The following KCTD8 variants were observed in gnomAD, a reference collection of about 807,000 sequenced individuals.
KCTD8 encodes the protein BTB/POZ domain-containing protein KCTD8.
Under a neutral mutation model 31.5 loss-of-function variants are expected in KCTD8, and 27 were observed. The ratio of observed to expected loss-of-function variants is 0.86; its 90% CI spans 0.63 to 1.18. KCTD8 has a LOEUF of 1.18. KCTD8 is among the 50% of genes most tolerant of loss of function. The pLI is 0.00. For synonymous variants in KCTD8, 290 were observed against 280.0 expected (o/e 1.04, Z -0.36); for missense variants, 658 against 647.7 (o/e 1.02, Z -0.17).
intron 1 of KCTD8, among the ~76,000 whole-genome samples, chr4:44,272,686 T>G (rs1368368185): frequency 6.6e-6 from 1 of 152,060 alleles, no homozygotes; most frequent in Non-Finnish European, 1.5e-5. Context: ...ATTAAAAGAT[T>G]GATTCAACAG....
intron 1 of KCTD8, among the ~76,000 whole-genome samples, chr4:44,186,561 C>T (rs1004446833): frequency 2.6e-5 from 4 of 152,222 alleles, no homozygotes; most frequent in African/African-American, 9.7e-5. Flanking sequence ...GTAACGTGCC[C>T]TCTGGGGCCT....
chr4:44,206,621 G>A (rs1372174882), intron 1 of KCTD8, among the ~76,000 whole-genome samples: 3 of 152,148 alleles, frequency 2.0e-5, no homozygotes, highest in Admixed American at 6.6e-5. Context: ...GGGAGCCAGA[G>A]GCCTCTTCCA....
intron 1 of KCTD8, among the ~76,000 whole-genome samples, chr4:44,289,003 T>C (rs1717188079): frequency 6.6e-6 from 1 of 151,446 alleles, no homozygotes; most frequent in Non-Finnish European, 1.5e-5. Context: ...TATATAAAAA[T>C]TTAGTCTTAT....
chr4:44,231,994 T>C (rs888771731), intron 1 of KCTD8, among the ~76,000 whole-genome samples: 1 of 152,154 alleles, frequency 6.6e-6, no homozygotes, highest in African/African-American at 2.4e-5. Context: ...TTAGATACTA[T>C]TGTCACTATC....
At chr4:44,186,682 G>T (rs1713599703) in intron 1 of KCTD8, among the ~76,000 whole-genome samples, 1 of 152,200 alleles carries the variant, frequency 6.6e-6, no homozygotes, top group Admixed American at 6.5e-5. Flanking sequence ...GTGGGGCACC[G>T]AAGAAGTGAG....
chr4:44,363,532 G>A (rs59257168), intron 1 of KCTD8, among the ~76,000 whole-genome samples: 2 of 152,176 alleles, frequency 1.3e-5, no homozygotes, highest in East Asian at 1.9e-4. Context: ...GAAAGAGAGG[G>A]GAGATGTTAG....
At chr4:44,244,460 T>G (rs1183092762) in intron 1 of KCTD8, among the ~76,000 whole-genome samples, 1 of 152,158 alleles carries the variant, frequency 6.6e-6, no homozygotes, top group Non-Finnish European at 1.5e-5. Flanking sequence ...AACATTCTCC[T>G]GCCCTCCTGC....
chr4:44,314,646 A>T (rs1718055665), intron 1 of KCTD8, among the ~76,000 whole-genome samples: 1 of 152,102 alleles, frequency 6.6e-6, no homozygotes, highest in African/African-American at 2.4e-5. Flanking sequence ...ATATATAAAT[A>T]TACACATCTA....
At chr4:44,418,119 C>T (rs1401058776) in intron 1 of KCTD8, among the ~76,000 whole-genome samples, 1 of 152,044 alleles carries the variant, frequency 6.6e-6, no homozygotes, top group African/African-American at 2.4e-5. Flanking sequence ...TAAGGAGCCA[C>T]GAATTATGCC....
Position 44,448,550 on chromosome 4 carries a change from C to A in KCTD8, c.-27G>T, listed in dbSNP as rs1722020686. The A allele has an allele frequency of 6.9e-7, 1 of 1,443,506 alleles. No homozygotes were observed. Among genetic ancestry groups the A allele is most frequent in the African/African-American group, 1.5e-5 (1 of 68,286 alleles). 89.4% of individuals were successfully genotyped at this position (1,443,506 alleles called of 1,614,324 possible). The stretch of plus-strand genomic sequence containing the variant: ...GTCCCCCCGCCGCCGGCCCAGTGAC[C>A]CGAGAGAGCTGCACTTTCTCGTTCC... On this transcript the variant is annotated 5_prime_UTR_variant, in exon 1 of 2. Transcript: ENST00000360029. This position sits in a 1 kb window ranked among gnomAD's most constrained non-coding sequence, Gnocchi z 4.1.
At chr4:44,444,513 G>A (rs1721891666) in intron 1 of KCTD8, among the ~76,000 whole-genome samples, 1 of 151,958 alleles carries the variant, frequency 6.6e-6, no homozygotes, top group African/African-American at 2.4e-5. Flanking sequence ...ATGTTGACGA[G>A]AACAATAAAA....
At chr4:44,185,715 C>T (rs1713566036) in intron 1 of KCTD8, among the ~76,000 whole-genome samples, 1 of 151,848 alleles carries the variant, frequency 6.6e-6, no homozygotes, top group South Asian at 2.1e-4. Context: ...TTCTCATTAT[C>T]ATATTTGGAT....
intron 1 of KCTD8, among the ~76,000 whole-genome samples, chr4:44,323,821 T>C (rs980962989): frequency 2.0e-5 from 3 of 151,906 alleles, no homozygotes; most frequent in Non-Finnish European, 2.9e-5. Flanking sequence ...TTGATTGATA[T>C]ACAAGCCAGA....
At chr4:44,441,830 C>T (rs1411559643) in intron 1 of KCTD8, among the ~76,000 whole-genome samples, 1 of 152,158 alleles carries the variant, frequency 6.6e-6, no homozygotes, top group Non-Finnish European at 1.5e-5. Context: ...AATTTTTTAA[C>T]AGATTCTGTA....
chr4:44,312,220 T>C (rs1211437950), intron 1 of KCTD8, among the ~76,000 whole-genome samples: 1 of 152,016 alleles, frequency 6.6e-6, no homozygotes, highest in South Asian at 2.1e-4. Flanking sequence ...GTTTTCTTTC[T>C]CTTTATTTCT....
At chr4:44,258,507 C>T (rs184577857) in intron 1 of KCTD8, among the ~76,000 whole-genome samples, 6 of 151,900 alleles carry the variant, frequency 3.9e-5, no homozygotes, top group African/African-American at 1.2e-4. Flanking sequence ...TACATCCCAC[C>T]TGAAGTGTTT....
intron 1 of KCTD8, among the ~76,000 whole-genome samples, chr4:44,425,199 CA>C (rs1721314866): frequency 6.6e-6 from 1 of 151,970 alleles, no homozygotes; most frequent in Admixed American, 6.6e-5. Flanking sequence ...GGAATCCTAG[CA>C]AACTAATACA....
intron 1 of KCTD8, among the ~76,000 whole-genome samples, chr4:44,397,416 GTGTT>G (rs982596749): frequency 8.5e-5 from 13 of 152,138 alleles, no homozygotes; most frequent in African/African-American, 2.4e-4. Flanking sequence ...TAGATAGAAA[GTGTT>G]TGTGTATGTG....
chr4:44,195,012 C>T lies in KCTD8; in HGVS notation c.962-19762G>A, dbSNP rs559678618. On this transcript the variant is annotated intron_variant, in intron 1 of 1. Transcript: ENST00000360029. ...CTGGGATTACAGGCATGTACCACCACGCCAGGCTAATTTTTGTATTTCTAA... is the reference window on the plus strand; with the variant it reads ...CTGGGATTACAGGCATGTACCACCATGCCAGGCTAATTTTTGTATTTCTAA... 1.2e-4 allele frequency among the ~76,000 whole-genome samples: 18 copies of T among 150,964 alleles called. 1 individual carries two copies. The highest frequency in any genetic ancestry group is 5.9e-4 in the Admixed American group (9 of 15,130).
Sources: allele counts gnomAD v4.1 joint callset (sites outside exome capture counted in the v4.1 genomes callset), GRCh38; gene constraint gnomAD v4.1.1; non-coding constraint Gnocchi (gnomAD v3.1); transcripts MANE v1.5; gene names NCBI Gene and HGNC (gene_info 2026-07-23, HGNC 2026-07-21).